HEMK2: variants seen among roughly 807,000 people sequenced by gnomAD.
HEMK2 encodes HemK methyltransferase 2, ETF1 glutamine and histone H4 lysine.
the HEMK2 span, chr21:28,878,252 G>C: frequency 6.2e-7 from 1 of 1,606,626 alleles, no homozygotes; most frequent in Non-Finnish European, 8.5e-7. Flanking sequence ...AGGAGATCTG[G>C]AACCAGGGGA....
At chr21:28,764,560 T>A in the HEMK2 span, among the ~76,000 whole-genome samples, 1 of 152,118 alleles carries the variant, frequency 6.6e-6, no homozygotes, top group Admixed American at 6.6e-5. Flanking sequence ...AAACGTCCTA[T>A]AAAAGATAAA....
the HEMK2 span, among the ~76,000 whole-genome samples, chr21:28,734,041 T>C: frequency 4.2e-5 from 4 of 94,632 alleles, no homozygotes; most frequent in Admixed American, 3.0e-4. Context: ...TCGGATGCCA[T>C]TGCAGACCTC....
At chr21:28,823,042 TA>T in the HEMK2 span, among the ~76,000 whole-genome samples, 5 of 152,038 alleles carry the variant, frequency 3.3e-5, no homozygotes, top group Middle Eastern at 0.01. Flanking sequence ...AAAGTCAACT[TA>T]AAAAAAAGTT....
At chr21:28,791,350 C>T in the HEMK2 span, among the ~76,000 whole-genome samples, 2 of 152,136 alleles carry the variant, frequency 1.3e-5, no homozygotes, top group Non-Finnish European at 2.9e-5. Context: ...TAAAAATTCA[C>T]CCTGTGTTTC....
chr21:28,726,121 T>A, the HEMK2 span, among the ~76,000 whole-genome samples: 1 of 152,180 alleles, frequency 6.6e-6, no homozygotes. Context: ...TAACTAAATT[T>A]AACTAAATAA....
the HEMK2 span, among the ~76,000 whole-genome samples, chr21:28,775,493 T>G: frequency 2.0e-5 from 3 of 152,186 alleles, no homozygotes; most frequent in Non-Finnish European, 4.4e-5. Flanking sequence ...AAAGTATCAC[T>G]ATGTAAATCG....
chr21:28,734,629 C>A, the HEMK2 span, among the ~76,000 whole-genome samples: 1 of 152,040 alleles, frequency 6.6e-6, no homozygotes, highest in Non-Finnish European at 1.5e-5. Context: ...CTGATTGAAC[C>A]CATGCCAGAG....
the HEMK2 span, among the ~76,000 whole-genome samples, chr21:28,864,581 C>T: frequency 2.0e-5 from 3 of 152,170 alleles, no homozygotes; most frequent in Non-Finnish European, 4.4e-5. Context: ...CCTCTCTCCT[C>T]AACCCGGACC....
chr21:28,625,742 A>T, the HEMK2 span, among the ~76,000 whole-genome samples: 235 of 152,164 alleles, frequency 1.5e-3, no homozygotes, highest in African/African-American at 4.6e-3. Context: ...TTAAAAAATT[A>T]AAAAAACAGA....
At chr21:28,620,977 T>C in the HEMK2 span, among the ~76,000 whole-genome samples, 3 of 152,074 alleles carry the variant, frequency 2.0e-5, no homozygotes, top group Non-Finnish European at 4.4e-5. Context: ...GGCCCTCTTT[T>C]CTTCTTTAGT....
chr21:28,601,961 G>C, the HEMK2 span, among the ~76,000 whole-genome samples: 3 of 152,158 alleles, frequency 2.0e-5, no homozygotes, highest in Non-Finnish European at 2.9e-5. Flanking sequence ...CTGCCCAATA[G>C]AGCACTGTCC....
the HEMK2 span, among the ~76,000 whole-genome samples, chr21:28,724,692 A>G: frequency 6.6e-6 from 1 of 150,616 alleles, no homozygotes; most frequent in Admixed American, 6.6e-5. Context: ...GAATTCCCCT[A>G]AACATCTGAC....
At chr21:28,789,736 T>A in the HEMK2 span, among the ~76,000 whole-genome samples, 1 of 152,172 alleles carries the variant, frequency 6.6e-6, no homozygotes, top group Non-Finnish European at 1.5e-5. Context: ...ATATACTTGC[T>A]TCAGCCTCTA....
At chr21:28,760,019 C>T in the HEMK2 span, among the ~76,000 whole-genome samples, 1 of 140,306 alleles carries the variant, frequency 7.1e-6, no homozygotes, top group Non-Finnish European at 1.5e-5. Context: ...ATTGCCATCA[C>T]TTGTGGGATA....
chr21:28,691,558 C>A, the HEMK2 span, among the ~76,000 whole-genome samples: 1 of 152,188 alleles, frequency 6.6e-6, no homozygotes, highest in African/African-American at 2.4e-5. Context: ...TGATCTTATA[C>A]ATATACTGCC....
chr21:28,586,388 T>G, the HEMK2 span, among the ~76,000 whole-genome samples: 1 of 152,194 alleles, frequency 6.6e-6, no homozygotes, highest in Non-Finnish European at 1.5e-5. Context: ...GCAAAATAAC[T>G]TAGGTTATTT....
the HEMK2 span, among the ~76,000 whole-genome samples, chr21:28,590,926 G>C: frequency 6.6e-6 from 1 of 152,202 alleles, no homozygotes; most frequent in Admixed American, 6.5e-5. Flanking sequence ...CTGTTTTCAA[G>C]GAGTGAATTT....
the HEMK2 span, among the ~76,000 whole-genome samples, chr21:28,691,457 C>T: frequency 1.3e-5 from 2 of 152,056 alleles, no homozygotes; most frequent in African/African-American, 4.8e-5. Flanking sequence ...AGTGAGTTGG[C>T]CTCTTCAAGT....
chr21:28,669,612 G>T, the HEMK2 span, among the ~76,000 whole-genome samples: 1 of 152,162 alleles, frequency 6.6e-6, no homozygotes, highest in Admixed American at 6.5e-5. Context: ...CCTGGTAGCT[G>T]CTGCCAGTCC....
Sources: allele counts gnomAD v4.1 joint callset (sites outside exome capture counted in the v4.1 genomes callset), GRCh38; gene constraint gnomAD v4.1.1; transcripts MANE v1.5; gene names NCBI Gene and HGNC (gene_info 2026-07-23, HGNC 2026-07-21).